EXOC6B: variants seen among roughly 807,000 people sequenced by gnomAD.
EXOC6B encodes the protein SEC15 homolog B.
EXOC6B carries 54 observed loss-of-function variants against 113.5 expected under a neutral mutation model. That is an observed-to-expected ratio of 0.48 (90% CI 0.38 to 0.60). The LOEUF (loss-of-function observed/expected upper bound fraction) is 0.60, where lower values mean the gene tolerates loss of function less well. EXOC6B is among the 20% of genes least tolerant of loss of function. The pLI is 0.00. For missense variants in EXOC6B, 797 were observed against 977.5 expected (o/e 0.82, Z 2.46); for synonymous variants, 357 against 339.0 (o/e 1.05, Z -0.58).
chr2:72,244,323 T>A (rs1682518232), intron 20 of EXOC6B, among the ~76,000 whole-genome samples: 3 of 152,212 alleles, frequency 2.0e-5, no homozygotes, highest in Middle Eastern at 3.4e-3. Context: ...AAAATAGTCA[T>A]GTCAAGGGGA....
chr2:72,685,745 C>T (rs1677044535), intron 6 of EXOC6B, among the ~76,000 whole-genome samples: 1 of 152,196 alleles, frequency 6.6e-6, no homozygotes, highest in Admixed American at 6.6e-5. Context: ...AAAGTATTCG[C>T]TTTCTCTCTG....
intron 20 of EXOC6B, among the ~76,000 whole-genome samples, chr2:72,228,208 T>C (rs2041563): frequency 0.42 from 64,320 of 151,966 alleles, 16,854 homozygotes; most frequent in African/African-American, 0.74. Context: ...ATAATGCACC[T>C]TATGTCCAGG....
intron 20 of EXOC6B, among the ~76,000 whole-genome samples, chr2:72,221,869 A>G (rs1680886482): frequency 3.9e-5 from 6 of 152,246 alleles, no homozygotes; most frequent in Admixed American, 3.9e-4. Context: ...GTTATATCTG[A>G]AAATCATAAA....
intron 6 of EXOC6B, among the ~76,000 whole-genome samples, chr2:72,606,765 C>T (rs1670781213): frequency 6.6e-6 from 1 of 151,740 alleles, no homozygotes; most frequent in Non-Finnish European, 1.5e-5. Context: ...AGTAGCCCAC[C>T]ATGCTCTGCT....
chr2:72,539,653 T>C (rs1456637199), intron 8 of EXOC6B, among the ~76,000 whole-genome samples: 5 of 152,212 alleles, frequency 3.3e-5, no homozygotes, highest in African/African-American at 9.7e-5. Context: ...TTAACTTTTC[T>C]CTTTTTTATA....
intron 1 of EXOC6B, among the ~76,000 whole-genome samples, chr2:72,766,610 A>T (rs1683072233): frequency 6.6e-6 from 1 of 152,150 alleles, no homozygotes; most frequent in Admixed American, 6.5e-5. Flanking sequence ...CTGGGTTTTT[A>T]AAATTCCGAA....
At chr2:72,669,292 A>C (rs1304754179) in intron 6 of EXOC6B, among the ~76,000 whole-genome samples, 1 of 152,042 alleles carries the variant, frequency 6.6e-6, no homozygotes, top group Admixed American at 6.5e-5. Flanking sequence ...GTTCACTGCC[A>C]AGCTTTCCTT....
At chr2:72,818,929 C>A (rs934070191) in intron 1 of EXOC6B, among the ~76,000 whole-genome samples, 3 of 152,098 alleles carry the variant, frequency 2.0e-5, no homozygotes, top group Admixed American at 1.3e-4. Context: ...AGCAATAACC[C>A]AGTCATTATG....
chr2:72,247,634 C>T (rs1035800857), intron 20 of EXOC6B, among the ~76,000 whole-genome samples: 4 of 152,248 alleles, frequency 2.6e-5, no homozygotes, highest in Middle Eastern at 3.4e-3. Context: ...AGAAACTTTT[C>T]GGCTGGCTGA....
At chr2:72,279,837 T>A (rs1197004736) in intron 20 of EXOC6B, among the ~76,000 whole-genome samples, 2 of 152,122 alleles carry the variant, frequency 1.3e-5, no homozygotes, top group Non-Finnish European at 2.9e-5. Context: ...AGACAGGGTT[T>A]TGCCATGTTG....
intron 8 of EXOC6B, among the ~76,000 whole-genome samples, chr2:72,521,036 T>C (rs976059663): frequency 1.3e-5 from 2 of 152,120 alleles, no homozygotes; most frequent in Admixed American, 6.5e-5. Flanking sequence ...AATTAACATG[T>C]TAAAACTTAA....
rs372443134 is a variant in EXOC6B at position 72,545,067 on chromosome 2, TAC to T, written c.915+14384_915+14385del. Among the ~76,000 whole-genome samples, 12 of 152,242 alleles carry T rather than the reference TAC, an allele frequency of 7.9e-5. No homozygotes were observed. In the South Asian group the frequency reaches 2.5e-3, roughly 32 times the overall value. Reference sequence around the variant, plus strand: ...GAGAATTCAAATAACAGATATTTACTACAGTTACATAAAATTAATTTTTAAAA... The same window carrying T: ...GAGAATTCAAATAACAGATATTTACTAGTTACATAAAATTAATTTTTAAAA... On this transcript the variant is annotated intron_variant, in intron 8 of 21. Coordinates refer to ENST00000272427, the MANE Select transcript of EXOC6B (RefSeq NM_015189.3).
chr2:72,522,277 C>T (rs1424255770), intron 8 of EXOC6B, among the ~76,000 whole-genome samples: 5 of 152,020 alleles, frequency 3.3e-5, no homozygotes, highest in Admixed American at 3.3e-4. Flanking sequence ...AATATTATAT[C>T]ACACCCTATG....
chr2:72,645,725 G>C (rs1329824177), intron 6 of EXOC6B, among the ~76,000 whole-genome samples: 1 of 152,172 alleles, frequency 6.6e-6, no homozygotes, highest in Non-Finnish European at 1.5e-5. Flanking sequence ...CAGAAATAAA[G>C]ATGTTCTTTG....
intron 1 of EXOC6B, among the ~76,000 whole-genome samples, chr2:72,743,122 C>A (rs1422374243): frequency 6.6e-6 from 1 of 152,076 alleles, no homozygotes; most frequent in Non-Finnish European, 1.5e-5. Flanking sequence ...ATTAATAAGT[C>A]CTGACAACTC....
chr2:72,379,910 A>C, intron 18 of EXOC6B, 40 bp from the exon 19 acceptor site: 1 of 1,491,940 alleles, frequency 6.7e-7, no homozygotes. Flanking sequence ...TAATGCATCT[A>C]ACATAAATTA....
intron 7 of EXOC6B, among the ~76,000 whole-genome samples, chr2:72,565,120 G>A (rs1261175323): frequency 6.6e-6 from 1 of 152,104 alleles, no homozygotes; most frequent in African/African-American, 2.4e-5. Context: ...GGAGGCCGAA[G>A]CAGGTGGATC....
chr2:72,426,761 A>G (rs1369214094), intron 18 of EXOC6B, among the ~76,000 whole-genome samples: 2 of 152,240 alleles, frequency 1.3e-5, no homozygotes, highest in South Asian at 2.1e-4. Context: ...ATTTAGGGAC[A>G]TATGTATCAG....
intron 18 of EXOC6B, among the ~76,000 whole-genome samples, chr2:72,447,094 C>T (rs1696628163): frequency 6.7e-6 from 1 of 150,078 alleles, no homozygotes; most frequent in South Asian, 2.1e-4. Flanking sequence ...CAGAGTGAGA[C>T]TTCGTCTCAA....
Sources: allele counts gnomAD v4.1 joint callset (sites outside exome capture counted in the v4.1 genomes callset), GRCh38; gene constraint gnomAD v4.1.1; transcripts MANE v1.5; gene names NCBI Gene and HGNC (gene_info 2026-07-23, HGNC 2026-07-21).